Variants in SAMD4B observed in about 807,000 individuals in gnomAD.
SAMD4B encodes the protein sterile alpha motif domain containing 4B.
SAMD4B carries 5 observed loss-of-function variants against 74.5 expected under a neutral mutation model. The ratio of observed to expected loss-of-function variants is 0.07; its 90% CI spans 0.04 to 0.14. SAMD4B has a LOEUF of 0.14. SAMD4B is among the 10% of genes least tolerant of loss of function. The pLI is 1.00. For synonymous variants in SAMD4B, 373 were observed against 374.9 expected, an observed-to-expected ratio of 1.00 and a Z score of 0.06; for missense variants, 608 against 921.8, an observed-to-expected ratio of 0.66 and a Z score of 4.41.
chr19:39,388,727 A>G (rs45591338), downstream of SAMD4B: 3 of 1,607,308 alleles, frequency 1.9e-6, no homozygotes, highest in African/African-American at 4.0e-5. Context: ...AGAGGCAGCA[A>G]GGAGCAGGCC....
chr19:39,389,876 G>C, downstream of SAMD4B: 2 of 1,432,744 alleles, frequency 1.4e-6, no homozygotes, highest in Admixed American at 3.4e-5. The surrounding 1 kb of genome is among the most constrained non-coding windows in gnomAD (Gnocchi z 5.3). Context: ...GTCCCCCATG[G>C]CAGAGTCTGA....
At position 39,380,655 on chromosome 19, in the gene SAMD4B, A is replaced by C. The variant is rs1055424823; in HGVS notation, c.1718A>C (p.Gln573Pro). 1 of 1,613,986 alleles carries C rather than the reference A, an allele frequency of 6.2e-7. No individual in the cohort carries two copies. ...GGGATGGGAGTGGCCCGGCGTACCC[A>C]GCGGCAGTTCCCAATGCCTCCCCGG... ...SVGMGVARRT[Q>P]RQFPMPPRAL... The change falls in exon 11 of 14, where the codon CAG becomes CCG. Residue 573 changes from glutamine to proline, a missense_variant. Gln to Pro is a moderately conservative substitution (Grantham distance 76). Transcript: ENST00000610417.
At chr19:39,377,854 C>A in intron 8 of SAMD4B, 30 bp downstream of exon 8, 2 of 1,540,908 alleles carry the variant, frequency 1.3e-6, no homozygotes, top group East Asian at 2.3e-5. Context: ...AGCAGGAAAT[C>A]CTGAGGCAGA....
rs773581168 is a variant in SAMD4B at position 39,381,055 on chromosome 19, G to A, written c.1914G>A (p.Gln638=). 1.2e-6 allele frequency: 2 copies of A among 1,613,018 alleles called. No individual in the cohort carries two copies. Among genetic ancestry groups the A allele is most frequent in the Non-Finnish European group, 1.7e-6 (2 of 1,179,936 alleles). The change falls in exon 12 of 14, where the codon CAG becomes CAA. Residue 638 remains glutamine, a synonymous_variant. Transcript: ENST00000610417. ...SMPSQSRSSV[Q]RTHSLPVHSS... is the part of the protein sequence containing the mutation. The stretch of plus-strand genomic sequence containing the variant: ...CCAGTCAGAGCCGCAGCTCTGTGCA[G>A]CGCACCCACTCGCTCCCGGTCCACT...
At position 39,365,550 on chromosome 19, in the gene SAMD4B, A is replaced by G. The variant is rs982516351; in HGVS notation, c.197-4105A>G. Among the ~76,000 whole-genome samples, 6 of 150,774 alleles carry G rather than the reference A, an allele frequency of 4.0e-5. 1 individual carries two copies. The Admixed American group carries it at 4.0e-4, about 10-fold the overall frequency. ...AACTTGAACAACAGAGCAAGCCTCCATGTCAAAAAAAAAAAATGGAGGCAC... is the reference window on the plus strand; with the variant it reads ...AACTTGAACAACAGAGCAAGCCTCCGTGTCAAAAAAAAAAAATGGAGGCAC... On this transcript the variant is annotated intron_variant, in intron 3 of 13. Coordinates refer to ENST00000610417, the MANE Select transcript of SAMD4B (RefSeq NM_001384574.2).
chr19:39,389,559 G>A (rs780055468), downstream of SAMD4B: 42 of 1,613,988 alleles, frequency 2.6e-5, no homozygotes, highest in East Asian at 4.2e-4. The surrounding 1 kb of genome is among the most constrained non-coding windows in gnomAD (Gnocchi z 5.3). Context: ...AGAGGAGAGC[G>A]GGGGGCAGGA....
downstream of SAMD4B, chr19:39,389,071 C>A (rs1248440849): frequency 1.2e-6 from 2 of 1,612,048 alleles, no homozygotes; most frequent in African/African-American, 2.7e-5. This position sits in a 1 kb window ranked among gnomAD's most constrained non-coding sequence, Gnocchi z 5.3. Flanking sequence ...CTTGCCTCTC[C>A]CCATCCCAGT....
downstream of SAMD4B, chr19:39,385,984 C>G (rs1373702114): frequency 6.2e-7 from 1 of 1,613,044 alleles, no homozygotes; most frequent in Non-Finnish European, 8.5e-7. Flanking sequence ...CCTGAATGCC[C>G]TGGGACTCAG....
intron 9 of SAMD4B, 101 bp from the exon 10 acceptor site, chr19:39,379,865 C>T (rs560702308): frequency 9.0e-5 from 93 of 1,033,074 alleles, no homozygotes; most frequent in Admixed American, 2.2e-4. Context: ...CCACCACGCC[C>T]GGCCAGGCAA....
chr19:39,357,312 C>G (rs901545284), intron 3 of SAMD4B, among the ~76,000 whole-genome samples: 1 of 152,090 alleles, frequency 6.6e-6, no homozygotes, highest in Admixed American at 6.5e-5. Context: ...GAAGGCAATG[C>G]AAACTGGAAA....
downstream of SAMD4B, chr19:39,386,371 T>C (rs1223826752): frequency 2.5e-6 from 4 of 1,614,100 alleles, no homozygotes; most frequent in South Asian, 1.1e-5. This position sits in a 1 kb window ranked among gnomAD's most constrained non-coding sequence, Gnocchi z 6.1. Flanking sequence ...CTGCCCTCCT[T>C]CTCACTGCTG....
intron 2 of SAMD4B, among the ~76,000 whole-genome samples, chr19:39,354,450 C>T (rs772943162): frequency 1.3e-5 from 2 of 152,166 alleles, no homozygotes; most frequent in Non-Finnish European, 2.9e-5. Context: ...CTTCTTCCCC[C>T]CTAGGGCTAT....
At chr19:39,370,194 T>C in intron 4 of SAMD4B, 69 bp downstream of exon 4, 2 of 1,392,760 alleles carry the variant, frequency 1.4e-6, no homozygotes, top group Non-Finnish European at 1.0e-6. Flanking sequence ...CAGTGAGAGC[T>C]CTCTCGCTCT....
rs1293553594 is a variant in SAMD4B at position 39,342,424 on chromosome 19, G to C, written c.-419G>C. ...GCGGGGCCAGGGGCGGTGACGCACG[G>C]CGCGGTGACGCAGCGCGACGGCGGC... On this transcript the variant is annotated 5_prime_UTR_variant, in exon 1 of 14. Coordinates refer to ENST00000610417, the MANE Select transcript of SAMD4B (RefSeq NM_001384574.2). 5.7e-6 allele frequency: 1 copy of C among 175,592 alleles called. No homozygotes were observed. The highest frequency in any genetic ancestry group is 2.4e-5 in the African/African-American group (1 of 41,406). 10.9% of individuals were successfully genotyped at this position (175,592 alleles called of 1,614,324 possible).
chr19:39,367,511 T>C (rs923724144), intron 3 of SAMD4B, among the ~76,000 whole-genome samples: 4 of 143,720 alleles, frequency 2.8e-5, no homozygotes, highest in Admixed American at 6.9e-5. Flanking sequence ...CTTTTTCTTT[T>C]TTTTTTTTTT....
At chr19:39,386,302 T>C (rs780585293), downstream of SAMD4B, 6 of 1,614,048 alleles carry the variant, frequency 3.7e-6, no homozygotes, top group African/African-American at 8.0e-5. This position sits in a 1 kb window ranked among gnomAD's most constrained non-coding sequence, Gnocchi z 6.1. Context: ...CTCTTGTCAC[T>C]GGCCTCGTCC....
At chr19:39,369,500 C>A in intron 3 of SAMD4B, 155 bp from the exon 4 acceptor site, 1 of 640,078 alleles carries the variant, frequency 1.6e-6, no homozygotes, top group Admixed American at 2.9e-5. Flanking sequence ...TGTGTTTGAT[C>A]TCACCTATAT....
chr19:39,365,022 G>A (rs925764762), intron 3 of SAMD4B, among the ~76,000 whole-genome samples: 27 of 147,554 alleles, frequency 1.8e-4, no homozygotes, highest in Non-Finnish European at 3.1e-4. Flanking sequence ...AGTGGATCAC[G>A]AGGTCAGGAG....
intron 1 of SAMD4B, among the ~76,000 whole-genome samples, chr19:39,344,625 A>G (rs557667888): frequency 6.6e-6 from 1 of 151,872 alleles, no homozygotes; most frequent in Non-Finnish European, 1.5e-5. Context: ...TCATTTCCCC[A>G]TTCTCTTTCC....
Sources: allele counts gnomAD v4.1 joint callset (sites outside exome capture counted in the v4.1 genomes callset), GRCh38; gene constraint gnomAD v4.1.1; non-coding constraint Gnocchi (gnomAD v3.1); transcripts MANE v1.5; gene names NCBI Gene and HGNC (gene_info 2026-07-23, HGNC 2026-07-21).